The following GNB4 variants were observed in gnomAD, a reference collection of about 807,000 sequenced individuals.
The protein encoded by GNB4 is guanine nucleotide-binding protein subunit beta-4.
A neutral mutation model predicts 45.2 loss-of-function variants in GNB4; 28 were observed. The ratio of observed to expected loss-of-function variants is 0.62; its 90% CI spans 0.46 to 0.85. The LOEUF is 0.85. Among genes scored for constraint, GNB4 ranks in the 40% least tolerant of loss-of-function variants. The pLI is 0.00. For synonymous variants in GNB4, 132 were observed against 143.7 expected, an observed-to-expected ratio of 0.92 and a Z score of 0.58; for missense variants, 321 against 425.4, an observed-to-expected ratio of 0.75 and a Z score of 2.16.
chr3:179,430,095 CAG>C (rs1715265812), intron 1 of GNB4, among the ~76,000 whole-genome samples: 1 of 151,428 alleles, frequency 6.6e-6, no homozygotes, highest in Non-Finnish European at 1.5e-5. Flanking sequence ...GACAGACAGA[CAG>C]ACAGACAGAC....
At chr3:179,509,723 C>G in the GNB4 span, among the ~76,000 whole-genome samples, 2 of 151,094 alleles carry the variant, frequency 1.3e-5, no homozygotes, top group Non-Finnish European at 2.9e-5. Flanking sequence ...TTAAGACTAT[C>G]AAGCCTTAGC....
chr3:179,454,853 A>G (rs1715955784), upstream of GNB4, among the ~76,000 whole-genome samples: 1 of 152,104 alleles, frequency 6.6e-6, no homozygotes, highest in Non-Finnish European at 1.5e-5. Context: ...ATAAGTTATA[A>G]AATATTAAAT....
chr3:179,451,206 G>A (rs916749977), intron 1 of GNB4, 140 bp downstream of exon 1: 1 of 151,728 alleles, frequency 6.6e-6, no homozygotes, highest in Admixed American at 6.6e-5. Context: ...CCCGAGCCCG[G>A]GGAGACCCGC....
the GNB4 span, among the ~76,000 whole-genome samples, chr3:179,463,548 C>T: frequency 1.3e-5 from 2 of 152,120 alleles, no homozygotes; most frequent in East Asian, 1.9e-4. Flanking sequence ...TTTATTCACC[C>T]CACAGATGAA....
chr3:179,429,958 A>C (rs1053630659), intron 1 of GNB4, among the ~76,000 whole-genome samples: 5 of 152,162 alleles, frequency 3.3e-5, no homozygotes, highest in Non-Finnish European at 5.9e-5. Context: ...ATCATAAAGT[A>C]GAAGCCATCA....
At chr3:179,436,372 G>A (rs1715449947) in intron 1 of GNB4, among the ~76,000 whole-genome samples, 1 of 152,132 alleles carries the variant, frequency 6.6e-6, no homozygotes, top group Non-Finnish European at 1.5e-5. Flanking sequence ...CCTGGGCAAT[G>A]AGAGTGAAAC....
the GNB4 span, among the ~76,000 whole-genome samples, chr3:179,512,539 T>C: frequency 6.6e-6 from 1 of 152,298 alleles, no homozygotes; most frequent in African/African-American, 2.4e-5. Flanking sequence ...GAGCTAAAAA[T>C]AGCTTGCCAG....
At chr3:179,465,142 G>A in the GNB4 span, 1 of 1,296,920 alleles carries the variant, frequency 7.7e-7, no homozygotes, top group Middle Eastern at 2.5e-4. Flanking sequence ...ATATGATCAA[G>A]GAAGAAGCAG....
chr3:179,493,686 C>T, the GNB4 span, among the ~76,000 whole-genome samples: 2 of 152,128 alleles, frequency 1.3e-5, no homozygotes, highest in African/African-American at 2.4e-5. Context: ...CCAGCCTTAA[C>T]ACTATCATCT....
At chr3:179,417,736 A>C (rs1389281878) in intron 4 of GNB4, among the ~76,000 whole-genome samples, 3 of 152,222 alleles carry the variant, frequency 2.0e-5, no homozygotes, top group Non-Finnish European at 2.9e-5. Context: ...AAAAAATAAA[A>C]AAGGATATAC....
At position 179,426,260 on chromosome 3, in the gene GNB4, G is replaced by A; in HGVS notation, c.-42-18C>T. 2 of 1,266,314 alleles carry A rather than the reference G, an allele frequency of 1.6e-6. No individual in the cohort carries two copies. Among genetic ancestry groups the A allele is most frequent in the Non-Finnish European group, 2.2e-6 (2 of 897,158 alleles). 78.4% of individuals were successfully genotyped at this position (1,266,314 alleles called of 1,614,324 possible). On this transcript the variant is annotated intron_variant, in intron 1 of 9. Coordinates refer to ENST00000232564, the MANE Select transcript of GNB4 (RefSeq NM_021629.4). ...GAAAACAGCTGTTAAAAAACAGAGA[G>A]CAAGAGAAAGATTCAGTTCTCTACT...
At chr3:179,525,762 G>A in the GNB4 span, among the ~76,000 whole-genome samples, 1 of 151,764 alleles carries the variant, frequency 6.6e-6, no homozygotes, top group African/African-American at 2.4e-5. Flanking sequence ...TGGAAGGACA[G>A]GGAGATTGAA....
the GNB4 span, among the ~76,000 whole-genome samples, chr3:179,477,316 T>G: frequency 6.6e-6 from 1 of 152,252 alleles, no homozygotes; most frequent in African/African-American, 2.4e-5. Context: ...TGCATCTTAC[T>G]GTATGCAGTT....
chr3:179,399,880 A>T lies in GNB4; in HGVS notation c.*1333T>A, dbSNP rs1462001590. The T allele has an allele frequency of 2.0e-5, 3 of 152,250 alleles. No homozygotes were observed. The highest frequency in any genetic ancestry group is 4.4e-5 in the Non-Finnish European group (3 of 68,048). 9.4% of individuals were successfully genotyped at this position (152,250 alleles called of 1,614,324 possible). A position where few individuals can be genotyped will look rare whatever the true frequency, so the allele number is the denominator to read the frequency against. ...TCAGTCATTTAGACTTATTTGTAAAAGAGAATCCAACAGGAAAAGTATCTT... is the reference window on the plus strand; with the variant it reads ...TCAGTCATTTAGACTTATTTGTAAATGAGAATCCAACAGGAAAAGTATCTT... On this transcript the variant is annotated 3_prime_UTR_variant, in exon 10 of 10. Coordinates refer to ENST00000232564, the MANE Select transcript of GNB4 (RefSeq NM_021629.4).
At chr3:179,418,799 C>T (rs1216946154) in intron 4 of GNB4, among the ~76,000 whole-genome samples, 1 of 152,238 alleles carries the variant, frequency 6.6e-6, no homozygotes, top group Non-Finnish European at 1.5e-5. Flanking sequence ...AATGGAAAAA[C>T]ATAGGCTGTG....
At chr3:179,473,206 C>T in the GNB4 span, among the ~76,000 whole-genome samples, 1 of 152,074 alleles carries the variant, frequency 6.6e-6, no homozygotes, top group African/African-American at 2.4e-5. Context: ...CTACAGACAT[C>T]CCTTCCCTTA....
At chr3:179,506,328 A>G in the GNB4 span, among the ~76,000 whole-genome samples, 1 of 152,086 alleles carries the variant, frequency 6.6e-6, no homozygotes, top group Non-Finnish European at 1.5e-5. Flanking sequence ...ATGAAGTGAG[A>G]CCCTGTCTCC....
intron 1 of GNB4, among the ~76,000 whole-genome samples, chr3:179,430,071 G>GACAGAC (rs1715262590): frequency 5.6e-5 from 8 of 142,258 alleles, no homozygotes; most frequent in African/African-American, 2.6e-5. Flanking sequence ...GACTGAGAGA[G>GACAGAC]AGACAGACAG....
chr3:179,415,151 A>G, intron 5 of GNB4, 104 bp from the exon 6 acceptor site: 1 of 826,146 alleles, frequency 1.2e-6, no homozygotes, highest in Non-Finnish European at 1.7e-6. Context: ...AACACATCTA[A>G]GAAAGATAAG....
Sources: allele counts gnomAD v4.1 joint callset (sites outside exome capture counted in the v4.1 genomes callset), GRCh38; gene constraint gnomAD v4.1.1; transcripts MANE v1.5; gene names NCBI Gene and HGNC (gene_info 2026-07-23, HGNC 2026-07-21).